Variants in ATXN7 observed in about 807,000 individuals in gnomAD.
ATXN7 encodes the protein ataxin-7.
ATXN7 carries 12 observed loss-of-function variants against 70.5 expected under a neutral mutation model. The ratio of observed to expected loss-of-function variants is 0.17; its 90% CI spans 0.11 to 0.28. The LOEUF is 0.28. Ranked by LOEUF, ATXN7 falls within the 10% of genes least tolerant of loss-of-function variation. ATXN7 has a pLI of 1.00. For missense variants in ATXN7, 1,256 were observed against 1,131.7 expected, an observed-to-expected ratio of 1.11 and a Z score of -1.58; for synonymous variants, 498 against 448.7, an observed-to-expected ratio of 1.11 and a Z score of -1.39.
intron 5 of ATXN7, among the ~76,000 whole-genome samples, chr3:63,973,817 A>G (rs2075352392): frequency 1.3e-5 from 2 of 152,156 alleles, no homozygotes; most frequent in South Asian, 4.1e-4. Context: ...GGGGCCCTTT[A>G]TGGACTCAGA....
chr3:63,987,738 A>G (rs761171002), intron 8 of ATXN7, among the ~76,000 whole-genome samples: 6 of 152,138 alleles, frequency 3.9e-5, no homozygotes, highest in Non-Finnish European at 2.9e-5. Context: ...CTGTTGTGTC[A>G]CAAAACATGA....
chr3:64,001,119 A>C lies in ATXN7; in HGVS notation c.*1652A>C, dbSNP rs895768920. 1 of 152,144 alleles carries C rather than the reference A, an allele frequency of 6.6e-6. No homozygotes were observed. The highest frequency in any genetic ancestry group is 6.5e-5 in the Admixed American group (1 of 15,278). 9.4% of individuals were successfully genotyped at this position (152,144 alleles called of 1,614,324 possible). ...AGTCAACAACAGGTAGAATGAATAAACTTGGTTACCAGCCTAATAATGTGA... is the reference window on the plus strand; with the variant it reads ...AGTCAACAACAGGTAGAATGAATAACCTTGGTTACCAGCCTAATAATGTGA... On this transcript the variant is annotated 3_prime_UTR_variant, in exon 13 of 13. Coordinates refer to ENST00000674280, the MANE Select transcript of ATXN7 (RefSeq NM_001377405.1).
At chr3:63,871,987 C>T (rs1386388270) in intron 1 of ATXN7, among the ~76,000 whole-genome samples, 3 of 152,118 alleles carry the variant, frequency 2.0e-5, no homozygotes, top group African/African-American at 7.2e-5. Flanking sequence ...TGTGGTTTAA[C>T]TATGATAATT....
chr3:63,979,785 G>T, intron 5 of ATXN7, 130 bp from the exon 6 acceptor site: 1 of 1,274,056 alleles, frequency 7.8e-7, no homozygotes, highest in East Asian at 2.4e-5. Flanking sequence ...GAAGTCTGCT[G>T]AGTTTAACAT....
chr3:63,930,483 C>T (rs1553688191), intron 4 of ATXN7, among the ~76,000 whole-genome samples: 3 of 152,108 alleles, frequency 2.0e-5, no homozygotes, highest in Non-Finnish European at 4.4e-5. Context: ...GAGAGAAGTC[C>T]AGAGTGGAAG....
At chr3:63,895,836 G>C (rs569498898) in intron 1 of ATXN7, among the ~76,000 whole-genome samples, 1 of 151,294 alleles carries the variant, frequency 6.6e-6, no homozygotes, top group Non-Finnish European at 1.5e-5. Context: ...TTTCTCCTGG[G>C]GGAAACGGGA....
At chr3:63,876,560 CAT>C (rs778707023) in intron 1 of ATXN7, among the ~76,000 whole-genome samples, 4 of 152,132 alleles carry the variant, frequency 2.6e-5, no homozygotes, top group Admixed American at 6.5e-5. Flanking sequence ...GTGAATAACA[CAT>C]GTTCAGCTAT....
At chr3:63,949,978 T>TA (rs1254389653) in intron 4 of ATXN7, among the ~76,000 whole-genome samples, 3 of 152,234 alleles carry the variant, frequency 2.0e-5, no homozygotes, top group African/African-American at 7.2e-5. Flanking sequence ...CTGCTTGGCA[T>TA]AGGACCTGGC....
intron 1 of ATXN7, among the ~76,000 whole-genome samples, chr3:63,888,636 G>A (rs1337799131): frequency 6.6e-6 from 1 of 152,032 alleles, no homozygotes; most frequent in African/African-American, 2.4e-5. Flanking sequence ...AATAGCTGGG[G>A]GTGGTGTCAA....
In ATXN7 at chr3:63,988,190, G is replaced by A. The variant is rs1259460991; in HGVS notation, c.1227G>A (p.Gln409=). The A allele has an allele frequency of 6.2e-7, 1 of 1,614,080 alleles. No homozygotes were observed. The highest frequency in any genetic ancestry group is 8.5e-7 in the Non-Finnish European group (1 of 1,180,002). ...ATCCGGACTCTCAGCAACCACCGCA[G>A]CCTCTCAGGGACCCGCATCCCGCCC... ...IRHPDSQQPP[Q]PLRDPHPAPP... The change falls in exon 9 of 13, where the codon CAG becomes CAA. Residue 409 remains glutamine, a synonymous_variant. Coordinates refer to ENST00000674280, the MANE Select transcript of ATXN7 (RefSeq NM_001377405.1).
intron 5 of ATXN7, among the ~76,000 whole-genome samples, chr3:63,967,462 A>G (rs556589409): frequency 2.0e-5 from 3 of 152,338 alleles, no homozygotes; most frequent in Admixed American, 1.3e-4. Context: ...GGTATTTTAT[A>G]GAAATGTTTA....
chr3:63,999,345 A>G, intron 12 of ATXN7, 105 bp from the exon 13 acceptor site: 2 of 924,152 alleles, frequency 2.2e-6, no homozygotes, highest in South Asian at 2.9e-5. Flanking sequence ...TGGAGACTTT[A>G]GTAGCGTGCA....
intron 6 of ATXN7, among the ~76,000 whole-genome samples, chr3:63,980,908 C>T (rs979367112): frequency 2.0e-5 from 3 of 152,182 alleles, no homozygotes; most frequent in African/African-American, 7.2e-5. Flanking sequence ...TTCACACCTG[C>T]CAGGCATGGC....
At chr3:63,992,955 G>T (rs529749930) in intron 11 of ATXN7, among the ~76,000 whole-genome samples, 1 of 152,176 alleles carries the variant, frequency 6.6e-6, no homozygotes. Context: ...CATCTTTGAA[G>T]CCCTCAAGGA....
At chr3:63,970,399 T>A (rs1259443519) in intron 5 of ATXN7, among the ~76,000 whole-genome samples, 2 of 152,158 alleles carry the variant, frequency 1.3e-5, no homozygotes, top group Non-Finnish European at 2.9e-5. Flanking sequence ...CAAGCTGTTT[T>A]TTGAAAGACA....
chr3:63,926,586 A>C (rs1293150983), intron 4 of ATXN7, among the ~76,000 whole-genome samples: 1 of 152,112 alleles, frequency 6.6e-6, no homozygotes, highest in Non-Finnish European at 1.5e-5. Context: ...GGGCAGGCAG[A>C]TCACACAGGG....
chr3:63,896,896 A>G (rs1703465217), intron 1 of ATXN7, among the ~76,000 whole-genome samples: 2 of 152,184 alleles, frequency 1.3e-5, no homozygotes, highest in African/African-American at 4.8e-5. Context: ...ACTTTGGAGA[A>G]ATAGCAGCAG....
chr3:63,984,113 A>C (rs1214863912), intron 8 of ATXN7, among the ~76,000 whole-genome samples: 2 of 151,946 alleles, frequency 1.3e-5, no homozygotes, highest in African/African-American at 4.8e-5. Context: ...TTAAGCTTCT[A>C]ATTTAATTTT....
chr3:63,913,012 C>T lies in ATXN7; in HGVS notation c.325+89C>T, dbSNP rs1559629575. 3.0e-5 allele frequency: 42 copies of T among 1,395,540 alleles called. 1 individual carries two copies. In the Middle Eastern group the frequency reaches 1.3e-3, roughly 44 times the overall value. The allele number at this position is 1,395,540 out of a possible 1,614,324, so 86.4% of individuals were successfully genotyped here. On this transcript the variant is annotated intron_variant, in intron 3 of 12. Transcript: ENST00000674280. Reference sequence around the variant, plus strand: ...CCCCCTGCCCCCCTCCTGTGACCCGCCCCCTCGAGGGGCAGAGATGCTATC... The same window carrying T: ...CCCCCTGCCCCCCTCCTGTGACCCGTCCCCTCGAGGGGCAGAGATGCTATC...
Sources: allele counts gnomAD v4.1 joint callset (sites outside exome capture counted in the v4.1 genomes callset), GRCh38; gene constraint gnomAD v4.1.1; transcripts MANE v1.5; gene names NCBI Gene and HGNC (gene_info 2026-07-23, HGNC 2026-07-21).